Variants in CX3CL1 observed in about 807,000 individuals in gnomAD.
CX3CL1 encodes the protein fractalkine.
A neutral mutation model predicts 14.1 loss-of-function variants in CX3CL1; 1 was observed. The ratio of observed to expected loss-of-function variants is 0.07; its 90% CI spans 0.03 to 0.34. CX3CL1 has a LOEUF of 0.34. Ranked by LOEUF, CX3CL1 falls within the 10% of genes least tolerant of loss-of-function variation. CX3CL1 has a pLI of 0.99. For synonymous variants in CX3CL1, 255 were observed against 229.6 expected (o/e 1.11, Z -1.00); for missense variants, 505 against 536.4 (o/e 0.94, Z 0.58).
At position 57,382,369 on chromosome 16, in the gene CX3CL1, T is replaced by A. The variant is rs756443334; in HGVS notation, c.531T>A (p.Asp177Glu). ...TRLPPTPKAQ[D>E]GGPVGTELFR... ...TCCCCCCGACGCCAAAGGCTCAGGA[T>A]GGAGGGCCTGTGGGCACGGAGCTTT... Residue 177 changes from aspartate to glutamate, a missense_variant, in exon 3 of 3, where the codon GAT becomes GAA. Physicochemically the swap from Asp to Glu is conservative, Grantham distance 45. Coordinates refer to ENST00000006053, the MANE Select transcript of CX3CL1 (RefSeq NM_002996.6). The surrounding 1 kb of genome is among the most constrained non-coding windows in gnomAD (Gnocchi z 6.9). The A allele has an allele frequency of 6.2e-7, 1 of 1,611,358 alleles. No individual in the cohort carries two copies. Among genetic ancestry groups the A allele is most frequent in the Non-Finnish European group, 8.5e-7 (1 of 1,179,958 alleles).
intron 1 of CX3CL1, among the ~76,000 whole-genome samples, chr16:57,375,462 G>T (rs1002849729): frequency 1.3e-5 from 2 of 152,172 alleles, no homozygotes; most frequent in Non-Finnish European, 2.9e-5. Context: ...ATAGTACCCG[G>T]GACAGCCCCC....
intron 1 of CX3CL1, among the ~76,000 whole-genome samples, chr16:57,373,869 T>C (rs1237388342): frequency 2.1e-4 from 32 of 152,108 alleles, no homozygotes; most frequent in African/African-American, 3.6e-4. Context: ...CTCCGGTGGA[T>C]TGGGGGAGGG....
At chr16:57,379,409 C>T in intron 1 of CX3CL1, 2 of 530,442 alleles carry the variant, frequency 3.8e-6, no homozygotes, top group African/African-American at 1.9e-5. Context: ...ATTCTTACAA[C>T]AAGACTATGA....
chr16:57,380,042 T>C (rs770849057), intron 2 of CX3CL1, among the ~76,000 whole-genome samples: 15 of 152,162 alleles, frequency 9.9e-5, no homozygotes, highest in Admixed American at 2.6e-4. Flanking sequence ...CCTCCTGGGC[T>C]GAAGCACATG....
At position 57,382,539 on chromosome 16, in the gene CX3CL1, C is replaced by T; in HGVS notation, c.701C>T (p.Pro234Leu). The T allele has an allele frequency of 6.2e-7, 1 of 1,613,972 alleles. No individual in the cohort carries two copies. Among genetic ancestry groups the T allele is most frequent in the Non-Finnish European group, 8.5e-7 (1 of 1,179,970 alleles). The change falls in exon 3 of 3, where the codon CCA (proline) becomes CTA (leucine). Residue 234 changes from proline (P) to leucine (L), a missense_variant. Physicochemically the swap from Pro to Leu is moderately conservative, Grantham distance 98. Transcript: ENST00000006053. This position sits in a 1 kb window ranked among gnomAD's most constrained non-coding sequence, Gnocchi z 6.9. ...PSTQASTASSPAPEENAPSEG... is the reference protein window; with the variant it reads ...PSTQASTASSLAPEENAPSEG... ...ACCCAGGCCTCCACTGCGTCCTCCC[C>T]AGCCCCAGAGGAGAATGCTCCGTCT...
chr16:57,373,049 C>T (rs1290694034), intron 1 of CX3CL1, among the ~76,000 whole-genome samples: 1 of 152,108 alleles, frequency 6.6e-6, no homozygotes, highest in East Asian at 1.9e-4. Flanking sequence ...AACCCGCAGC[C>T]CTGGCCCTGG....
Position 57,382,102 on chromosome 16 carries a change from T to A in CX3CL1, c.264T>A (p.His88Gln). The change falls in exon 3 of 3, where the codon CAT (histidine) becomes CAA (glutamine). Residue 88 changes from histidine to glutamine, a missense_variant. Transcript: ENST00000006053. This position sits in a 1 kb window ranked among gnomAD's most constrained non-coding sequence, Gnocchi z 6.9. Reference protein sequence around the residue: ...KEQWVKDAMQHLDRQAAALTR... With the variant: ...KEQWVKDAMQQLDRQAAALTR... ...AATGGGTCAAGGACGCGATGCAGCATCTGGACCGCCAGGCTGCTGCCCTAA... is the reference window on the plus strand; with the variant it reads ...AATGGGTCAAGGACGCGATGCAGCAACTGGACCGCCAGGCTGCTGCCCTAA... 2 of 1,613,916 alleles carry A rather than the reference T, an allele frequency of 1.2e-6. No individual in the cohort carries two copies. The highest frequency in any genetic ancestry group is 2.2e-5 in the East Asian group (1 of 44,876).
At position 57,382,005 on chromosome 16, in the gene CX3CL1, G is replaced by A. The variant is rs775661766; in HGVS notation, c.192-25G>A. The A allele has an allele frequency of 1.4e-5, 21 of 1,551,402 alleles. No individual in the cohort carries two copies. The South Asian group carries it at 1.6e-4, about 12-fold the overall frequency. On this transcript the variant is annotated intron_variant, in intron 2 of 2. Transcript: ENST00000006053. This position sits in a 1 kb window ranked among gnomAD's most constrained non-coding sequence, Gnocchi z 6.9. ...GGGTTTCTGGTATCTGGGCATAACC[G>A]AATCCCTGTCTTCCTCCCTTGTAGC... is the stretch of plus-strand genomic sequence containing the variant.
intron 1 of CX3CL1, among the ~76,000 whole-genome samples, chr16:57,374,443 G>T (rs1224860381): frequency 6.6e-6 from 1 of 151,752 alleles, no homozygotes; most frequent in Non-Finnish European, 1.5e-5. Context: ...TCAAGTCCTG[G>T]CAAGAAAGAG....
chr16:57,377,723 G>A (rs1902264058), intron 1 of CX3CL1: 2 of 152,098 alleles, frequency 1.3e-5, no homozygotes, highest in South Asian at 4.1e-4. Flanking sequence ...GCTCTGAAGG[G>A]CTAGATAAGA....
At position 57,372,751 on chromosome 16, in the gene CX3CL1, G is replaced by A. The variant is rs192552070; in HGVS notation, c.70+113G>A. 45 of 996,320 alleles carry A rather than the reference G, an allele frequency of 4.5e-5. No individual in the cohort carries two copies. The Admixed American group carries it at 4.5e-4, about 10-fold the overall frequency. The allele number at this position is 996,320 out of a possible 1,614,324, so 61.7% of individuals were successfully genotyped here. On this transcript the variant is annotated intron_variant, in intron 1 of 2. Coordinates refer to ENST00000006053, the MANE Select transcript of CX3CL1 (RefSeq NM_002996.6). ...CCCTGCCTGGGTAAAGCTCAAGGCCGGTGGCAGCCGCTTCCCCAGGGATGT... is the reference window on the plus strand; with the variant it reads ...CCCTGCCTGGGTAAAGCTCAAGGCCAGTGGCAGCCGCTTCCCCAGGGATGT...
intron 1 of CX3CL1, among the ~76,000 whole-genome samples, chr16:57,374,331 T>C (rs1223608106): frequency 6.6e-6 from 1 of 151,974 alleles, no homozygotes; most frequent in African/African-American, 2.4e-5. Context: ...TGTGGGGCTG[T>C]GTCAGGCAGG....
chr16:57,378,297 A>C (rs1006198143), intron 1 of CX3CL1: 1 of 152,168 alleles, frequency 6.6e-6, no homozygotes, highest in South Asian at 2.1e-4. Flanking sequence ...TACATCTGTA[A>C]TCCCAGCTAT....
intron 1 of CX3CL1, among the ~76,000 whole-genome samples, chr16:57,375,076 G>A (rs1902227843): frequency 6.6e-6 from 1 of 151,578 alleles, no homozygotes. Flanking sequence ...GGAGGCAGAG[G>A]TTGGAGTGAG....
Position 57,382,461 on chromosome 16 carries a change from G to A in CX3CL1, c.623G>A (p.Ser208Asn), listed in dbSNP as rs755255029. The A allele has an allele frequency of 6.2e-7, 1 of 1,612,858 alleles. No homozygotes were observed. Among genetic ancestry groups the A allele is most frequent in the South Asian group, 1.1e-5 (1 of 91,006 alleles). Reference sequence around the variant, plus strand: ...TCTGCTCCCCACCAACCTGGGCCCAGCCTCTGGGCTGAGGCAAAGACCTCT... The same window carrying A: ...TCTGCTCCCCACCAACCTGGGCCCAACCTCTGGGCTGAGGCAAAGACCTCT... ...QSSAPHQPGP[S>N]LWAEAKTSEA... The change falls in exon 3 of 3, where the codon AGC becomes AAC. Residue 208 changes from serine (S) to asparagine (N), a missense_variant. Ser to Asn is a conservative substitution (Grantham distance 46, BLOSUM62 1). Coordinates refer to ENST00000006053, the MANE Select transcript of CX3CL1 (RefSeq NM_002996.6). The surrounding 1 kb of genome is among the most constrained non-coding windows in gnomAD (Gnocchi z 6.9).
At chr16:57,381,352 G>C (rs750883673) in intron 2 of CX3CL1, among the ~76,000 whole-genome samples, 1 of 152,148 alleles carries the variant, frequency 6.6e-6, no homozygotes, top group African/African-American at 2.4e-5. Flanking sequence ...TTTGGAGGGC[G>C]CTCGGGATCC....
intron 1 of CX3CL1, among the ~76,000 whole-genome samples, chr16:57,376,000 C>T (rs764977173): frequency 4.6e-5 from 7 of 152,172 alleles, no homozygotes; most frequent in Non-Finnish European, 1.0e-4. Flanking sequence ...TCTCTTATTT[C>T]CAGCTTCTGC....
intron 2 of CX3CL1, among the ~76,000 whole-genome samples, chr16:57,381,768 C>T (rs1465579386): frequency 6.6e-6 from 1 of 152,114 alleles, no homozygotes; most frequent in Non-Finnish European, 1.5e-5. Context: ...CCTAAGCACC[C>T]CCTCCATCCC....
chr16:57,373,064 G>C (rs1381284608), intron 1 of CX3CL1, among the ~76,000 whole-genome samples: 2 of 152,160 alleles, frequency 1.3e-5, no homozygotes, highest in Non-Finnish European at 2.9e-5. Flanking sequence ...CCCTGGGCCA[G>C]GCCACAGTTG....
Sources: gnomAD v4.1 joint callset for allele counts (sites outside exome capture counted in the v4.1 genomes callset) on GRCh38, gnomAD v4.1.1 for gene constraint, Gnocchi (gnomAD v3.1) non-coding constraint, MANE v1.5 for transcripts, NCBI Gene and HGNC (gene_info 2026-07-23, HGNC 2026-07-21) for gene names.